The following LIPA variants were observed in gnomAD, a reference collection of about 807,000 sequenced individuals.
The protein encoded by LIPA is lipase A, lysosomal acid type, also known as lysosomal acid lipase/cholesteryl ester hydrolase.
LIPA carries 26 observed loss-of-function variants against 40.6 expected under a neutral mutation model. The ratio of observed to expected loss-of-function variants is 0.64; its 90% CI spans 0.47 to 0.89. The LOEUF is 0.89. LIPA is among the 40% of genes least tolerant of loss of function. The pLI is 0.00. For synonymous variants in LIPA, 188 were observed against 168.4 expected, an observed-to-expected ratio of 1.12 and a Z score of -0.90; for missense variants, 455 against 479.6, an observed-to-expected ratio of 0.95 and a Z score of 0.48.
intron 1 of LIPA, among the ~76,000 whole-genome samples, chr10:89,299,402 G>A (rs12245107): frequency 0.3 from 45,277 of 152,046 alleles, 6,998 homozygotes; most frequent in African/African-American, 0.36. Context: ...CTCCAAAGGC[G>A]AAGGGAAACT....
In LIPA at chr10:89,245,712, G is replaced by A. The variant is rs779712562; in HGVS notation, c.193C>T (p.Arg65Ter). Reference sequence around the variant, plus strand: ...TGGTTCTTCCTCCCATGAGGAATTCGGTTAAGGCACAGAATATATCCATCT... The same window carrying A: ...TGGTTCTTCCTCCCATGAGGAATTCAGTTAAGGCACAGAATATATCCATCT... ...TEDGYILCLN[R>*]IPHGRKNHSD... Residue 65 changes from arginine to a stop codon, truncating the protein, a stop_gained, in exon 3 of 10, where the codon CGA becomes TGA. Coordinates refer to ENST00000336233, the MANE Select transcript of LIPA (RefSeq NM_000235.4). LOFTEE classifies it high-confidence loss of function. 24 of 1,601,016 alleles carry A rather than the reference G, an allele frequency of 1.5e-5. No homozygotes were observed. The highest frequency in any genetic ancestry group is 2.2e-5 in the East Asian group (1 of 44,812).
At chr10:89,242,708 A>G (rs952327882) in intron 3 of LIPA, among the ~76,000 whole-genome samples, 17 of 152,276 alleles carry the variant, frequency 1.1e-4, no homozygotes, top group Admixed American at 4.6e-4. Context: ...TTTTGTAATT[A>G]CTTGTAAATA....
chr10:89,293,200 C>T (rs530658633), intron 1 of LIPA, among the ~76,000 whole-genome samples: 1 of 152,246 alleles, frequency 6.6e-6, no homozygotes, highest in East Asian at 1.9e-4. Flanking sequence ...ACATTCACTC[C>T]CTCCTGCTGC....
chr10:89,229,646 A>G (rs1218211705), intron 3 of LIPA, among the ~76,000 whole-genome samples: 1 of 151,846 alleles, frequency 6.6e-6, no homozygotes, highest in Non-Finnish European at 1.5e-5. Context: ...CCAGCTATTC[A>G]GGAAGCTGAG....
At chr10:89,247,475 G>A in intron 2 of LIPA, 63 bp downstream of exon 2, 1 of 905,036 alleles carries the variant, frequency 1.1e-6, no homozygotes. Flanking sequence ...GCTTCATGTA[G>A]CTCACATAAC....
chr10:89,379,209 T>A (rs567733312), intron 2 of LIPA, among the ~76,000 whole-genome samples: 1 of 152,362 alleles, frequency 6.6e-6, no homozygotes, highest in African/African-American at 2.4e-5. Context: ...AATTTGCTTT[T>A]CACTGAATTA....
At chr10:89,398,410 T>C (rs1819443) in intron 2 of LIPA, among the ~76,000 whole-genome samples, 19,440 of 152,196 alleles carry the variant, frequency 0.13, 2,661 homozygotes, top group African/African-American at 0.34. Flanking sequence ...TGAATAAAAG[T>C]AAGCAGCTCC....
At chr10:89,310,129 T>C (rs903070186) in intron 1 of LIPA, among the ~76,000 whole-genome samples, 11 of 152,212 alleles carry the variant, frequency 7.2e-5, no homozygotes, top group African/African-American at 2.7e-4. Context: ...TCAAGTGTGT[T>C]AGTGCCAGTG....
chr10:89,323,429 A>G (rs1012864281), intron 1 of LIPA, among the ~76,000 whole-genome samples: 3 of 151,990 alleles, frequency 2.0e-5, no homozygotes, highest in African/African-American at 7.3e-5. Context: ...GAGTACTGCT[A>G]GCATGAGCAA....
At chr10:89,362,325 G>A (rs1296420744) in intron 2 of LIPA, 2 of 153,140 alleles carry the variant, frequency 1.3e-5, no homozygotes, top group Admixed American at 1.3e-4. Context: ...GTCAAAGATA[G>A]GCTTGAGCAG....
chr10:89,233,382 G>A (rs927354934), intron 3 of LIPA, among the ~76,000 whole-genome samples: 8 of 152,232 alleles, frequency 5.3e-5, no homozygotes, highest in African/African-American at 1.9e-4. Context: ...CTGACAAATG[G>A]CATGGCTTTA....
intron 2 of LIPA, chr10:89,362,760 T>C: frequency 1.4e-6 from 1 of 718,686 alleles, no homozygotes; most frequent in Non-Finnish European, 2.2e-6. Context: ...CTTGGCGAAG[T>C]GTGGAGGAAA....
chr10:89,266,653 T>C (rs1162646052), intron 1 of LIPA, among the ~76,000 whole-genome samples: 1 of 152,242 alleles, frequency 6.6e-6, no homozygotes, highest in Non-Finnish European at 1.5e-5. Context: ...TTGTGTTATC[T>C]TGAGTGGAAA....
intron 2 of LIPA, chr10:89,385,336 T>A (rs955090243): frequency 5.9e-5 from 9 of 152,298 alleles, no homozygotes; most frequent in African/African-American, 1.9e-4. Flanking sequence ...ACCCCCCTCA[T>A]TTTTTCCTCT....
chr10:89,413,365 C>T (rs551487573), intron 1 of LIPA, among the ~76,000 whole-genome samples: 18 of 152,144 alleles, frequency 1.2e-4, no homozygotes, highest in Admixed American at 7.9e-4. Context: ...ATGAGGCACT[C>T]GCTTCAGGCA....
At chr10:89,340,379 A>C (rs1400136189) in intron 1 of LIPA, 1 of 289,440 alleles carries the variant, frequency 3.5e-6, no homozygotes, top group African/African-American at 2.2e-5. Flanking sequence ...TAACACAGTG[A>C]AATCCCGTCT....
At chr10:89,362,617 C>T (rs542413207) in intron 2 of LIPA, 9 of 364,474 alleles carry the variant, frequency 2.5e-5, no homozygotes, top group Middle Eastern at 1.5e-3. Context: ...TTTGCCTGGG[C>T]GTATCACCAC....
At chr10:89,375,046 A>C (rs1226502567) in intron 2 of LIPA, among the ~76,000 whole-genome samples, 1 of 152,224 alleles carries the variant, frequency 6.6e-6, no homozygotes, top group Non-Finnish European at 1.5e-5. Context: ...GCTCCAGCTA[A>C]TGGTCAGCAC....
intron 2 of LIPA, among the ~76,000 whole-genome samples, chr10:89,375,319 C>A (rs936921698): frequency 1.7e-4 from 26 of 152,338 alleles, no homozygotes; most frequent in Admixed American, 1.6e-3. Flanking sequence ...GTGGCCTTCA[C>A]TACTGAGCAA....
Sources: allele counts gnomAD v4.1 joint callset (sites outside exome capture counted in the v4.1 genomes callset), GRCh38; gene constraint gnomAD v4.1.1; transcripts MANE v1.5; gene names NCBI Gene and HGNC (gene_info 2026-07-23, HGNC 2026-07-21).